The following SLCO1B1 variants were observed in gnomAD, a reference collection of about 807,000 sequenced individuals.
SLCO1B1 encodes the protein solute carrier organic anion transporter family member 1B1, also known as OATP-2.
Under a neutral mutation model 70.1 loss-of-function variants are expected in SLCO1B1, and 81 were observed. That is an observed-to-expected ratio of 1.16 (90% CI 0.97 to 1.39). The LOEUF (loss-of-function observed/expected upper bound fraction) is 1.39, where lower values mean the gene tolerates loss of function less well. SLCO1B1 is among the 40% of genes most tolerant of loss of function. The pLI, the probability that SLCO1B1 is intolerant of heterozygous loss-of-function variation, is 0.00. For synonymous variants in SLCO1B1, 283 were observed against 271.5 expected, an observed-to-expected ratio of 1.04 and a Z score of -0.42; for missense variants, 895 against 799.6, an observed-to-expected ratio of 1.12 and a Z score of -1.44.
At chr12:21,155,947 C>A (rs1940537833) in intron 2 of SLCO1B1, among the ~76,000 whole-genome samples, 1 of 152,270 alleles carries the variant, frequency 6.6e-6, no homozygotes, top group Non-Finnish European at 1.5e-5. Flanking sequence ...CAACCAATGT[C>A]TGAACAGTCA....
chr12:21,177,048 TA>T (rs1358407548), intron 5 of SLCO1B1, 151 bp downstream of exon 5: 14 of 637,332 alleles, frequency 2.2e-5, no homozygotes, highest in African/African-American at 1.5e-4. Flanking sequence ...AGTGTTAATA[TA>T]CACAGTTCGC....
intron 2 of SLCO1B1, among the ~76,000 whole-genome samples, chr12:21,168,259 A>G (rs1363708178): frequency 1.3e-5 from 2 of 152,130 alleles, no homozygotes; most frequent in Non-Finnish European, 2.9e-5. Context: ...AGTCTGCATA[A>G]TATTCCATTG....
At chr12:21,150,258 G>A (rs1940452678) in intron 2 of SLCO1B1, among the ~76,000 whole-genome samples, 1 of 152,096 alleles carries the variant, frequency 6.6e-6, no homozygotes, top group African/African-American at 2.4e-5. Context: ...GGGCAGCTGT[G>A]GGCGCAGCTT....
At chr12:21,133,857 T>A (rs1192645246) in intron 1 of SLCO1B1, among the ~76,000 whole-genome samples, 3 of 152,178 alleles carry the variant, frequency 2.0e-5, no homozygotes, top group Admixed American at 2.0e-4. Context: ...TGGCCAGAAC[T>A]TCCAACATTA....
At chr12:21,148,691 TGG>T (rs1940422276) in intron 2 of SLCO1B1, among the ~76,000 whole-genome samples, 1 of 126,956 alleles carries the variant, frequency 7.9e-6, no homozygotes, top group Non-Finnish European at 1.7e-5. Context: ...CTTGGCTATA[TGG>T]GCTTTTTTTT....
At chr12:21,210,918 G>T (rs1035904354) in intron 11 of SLCO1B1, among the ~76,000 whole-genome samples, 2 of 152,062 alleles carry the variant, frequency 1.3e-5, no homozygotes, top group African/African-American at 4.8e-5. Flanking sequence ...TTTGTATCCT[G>T]AGACTTTGCT....
intron 2 of SLCO1B1, among the ~76,000 whole-genome samples, chr12:21,166,750 A>C (rs1030343485): frequency 2.0e-5 from 3 of 152,218 alleles, no homozygotes; most frequent in Admixed American, 1.3e-4. Context: ...ATTTAAAGAT[A>C]GGCTTACCAT....
At chr12:21,153,093 T>C (rs1398677309) in intron 2 of SLCO1B1, among the ~76,000 whole-genome samples, 1 of 152,126 alleles carries the variant, frequency 6.6e-6, no homozygotes, top group East Asian at 1.9e-4. Context: ...TGTAATCACC[T>C]ATTTGTCTCT....
rs1447368677 is a variant in SLCO1B1, at chr12:21,200,636, T to C, written c.1099T>C (p.Tyr367His). Residue 367 changes from tyrosine (Y) to histidine (H), a missense_variant, in exon 9 of 15, where the codon TAT becomes CAT. Tyr to His is a moderately conservative substitution (Grantham distance 83). Coordinates refer to ENST00000256958, the MANE Select transcript of SLCO1B1 (RefSeq NM_006446.5). ...TYVFKYVEQQ[Y>H]GQPSSKANIL... is the part of the protein sequence containing the mutation. ...TGTCTTCAAATACGTAGAGCAACAG[T>C]ATGGTCAGCCTTCATCTAAGGCTAA... 1.2e-6 allele frequency: 2 copies of C among 1,612,534 alleles called. No individual in the cohort carries two copies. Among genetic ancestry groups the C allele is most frequent in the Non-Finnish European group, 1.7e-6 (2 of 1,179,110 alleles).
chr12:21,189,065 A>C (rs759039198), intron 7 of SLCO1B1, among the ~76,000 whole-genome samples: 3 of 152,210 alleles, frequency 2.0e-5, no homozygotes, highest in Admixed American at 6.5e-5. Flanking sequence ...TAGTGCTGCA[A>C]TGAACGTGCA....
chr12:21,239,108 G>A lies in SLCO1B1; in HGVS notation c.1995G>A (p.Met665Ile). The A allele has an allele frequency of 6.2e-7, 1 of 1,612,358 alleles. No homozygotes were observed. Among genetic ancestry groups the A allele is most frequent in the South Asian group, 1.1e-5 (1 of 90,950 alleles). The change falls in exon 15 of 15, where the codon ATG becomes ATA. Residue 665 changes from methionine (M) to isoleucine (I), a missense_variant. By Grantham distance (10) the Met-to-Ile change is conservative. Coordinates refer to ENST00000256958, the MANE Select transcript of SLCO1B1 (RefSeq NM_006446.5). Reference protein sequence around the residue: ...DINASENGSVMDEANLESLNK... With the variant: ...DINASENGSVIDEANLESLNK... ...ATGCATCAGAAAATGGAAGTGTCATGGATGAAGCAAACTTAGAATCCTTAA... is the reference window on the plus strand; with the variant it reads ...ATGCATCAGAAAATGGAAGTGTCATAGATGAAGCAAACTTAGAATCCTTAA...
intron 2 of SLCO1B1, among the ~76,000 whole-genome samples, chr12:21,152,125 A>T (rs1026702871): frequency 1.3e-5 from 2 of 151,976 alleles, no homozygotes; most frequent in African/African-American, 4.8e-5. Flanking sequence ...TAATTCATAT[A>T]TCCTGAATCT....
At chr12:21,145,383 G>A (rs550677914) in intron 2 of SLCO1B1, among the ~76,000 whole-genome samples, 2 of 150,806 alleles carry the variant, frequency 1.3e-5, no homozygotes, top group Non-Finnish European at 2.9e-5. Flanking sequence ...TTGGCTCACT[G>A]CAAACTCCAC....
chr12:21,180,217 A>C (rs1940877779), intron 7 of SLCO1B1, among the ~76,000 whole-genome samples: 1 of 152,100 alleles, frequency 6.6e-6, no homozygotes, highest in African/African-American at 2.4e-5. Flanking sequence ...CTTTTGATGA[A>C]TATCCATACC....
In SLCO1B1 at chr12:21,146,181, C is replaced by T. The variant is rs112280112; in HGVS notation, c.84+4523C>T. Among the ~76,000 whole-genome samples the T allele has an allele frequency of 1.4e-4, 21 of 152,000 alleles. 1 individual carries two copies. The highest frequency in any genetic ancestry group is 3.4e-4 in the African/African-American group (14 of 41,472). On this transcript the variant is annotated intron_variant, in intron 2 of 14. Transcript: ENST00000256958. ...TATTCTTGTACAAAATTGGGTAGAT[C>T]GTGTCTTTCAATATATTGGTCTATT... is the stretch of plus-strand genomic sequence containing the variant.
chr12:21,222,979 T>A (rs1941444879), intron 13 of SLCO1B1, among the ~76,000 whole-genome samples: 1 of 152,192 alleles, frequency 6.6e-6, no homozygotes, highest in Non-Finnish European at 1.5e-5. Flanking sequence ...CTGTTGGTTT[T>A]CTTCCCTCCG....
intron 7 of SLCO1B1, among the ~76,000 whole-genome samples, chr12:21,188,784 C>T (rs898053760): frequency 4.6e-5 from 7 of 152,146 alleles, no homozygotes; most frequent in Non-Finnish European, 2.9e-5. Flanking sequence ...TCCCCTTCCC[C>T]TTAATCACTG....
At chr12:21,217,062 G>A in intron 11 of SLCO1B1, 57 bp from the exon 12 acceptor site, 1 of 1,267,174 alleles carries the variant, frequency 7.9e-7, no homozygotes, top group South Asian at 1.2e-5. Flanking sequence ...CAATGTATTT[G>A]CAGCACTGTT....
intron 7 of SLCO1B1, among the ~76,000 whole-genome samples, chr12:21,189,068 A>T (rs1000775012): frequency 6.6e-6 from 1 of 152,210 alleles, no homozygotes; most frequent in Non-Finnish European, 1.5e-5. Context: ...TGCTGCAATG[A>T]ACGTGCAAAT....
Sources: gnomAD v4.1 joint callset for allele counts (sites outside exome capture counted in the v4.1 genomes callset) on GRCh38, gnomAD v4.1.1 for gene constraint, MANE v1.5 for transcripts, NCBI Gene and HGNC (gene_info 2026-07-23, HGNC 2026-07-21) for gene names.